SLC7A8: variants seen among roughly 807,000 people sequenced by gnomAD.
The protein encoded by SLC7A8 is solute carrier family 7 member 8.
In SLC7A8, 30 loss-of-function variants were observed where a neutral mutation model predicts 51.2. The observed-to-expected ratio is 0.59, with a 90% CI of 0.44 to 0.80. The LOEUF (loss-of-function observed/expected upper bound fraction) is 0.80, where lower values mean the gene tolerates loss of function less well. SLC7A8 is among the 30% of genes least tolerant of loss of function. The pLI, the probability that SLC7A8 is intolerant of heterozygous loss-of-function variation, is 0.00. For synonymous variants in SLC7A8, 257 were observed against 275.8 expected, an observed-to-expected ratio of 0.93 and a Z score of 0.67; for missense variants, 612 against 674.4, an observed-to-expected ratio of 0.91 and a Z score of 1.03.
chr14:23,138,046 T>C (rs758137199), intron 6 of SLC7A8, 22 bp from the exon 7 acceptor site: 6 of 1,613,262 alleles, frequency 3.7e-6, no homozygotes, highest in African/African-American at 2.7e-5. Context: ...ACCAAGGAGA[T>C]AAGCAAAGGA....
At chr14:23,161,046 T>C (rs1291416560) in intron 3 of SLC7A8, among the ~76,000 whole-genome samples, 1 of 152,112 alleles carries the variant, frequency 6.6e-6, no homozygotes, top group Admixed American at 6.5e-5. Context: ...ACCTAAATAA[T>C]AGAATAACTC....
intron 4 of SLC7A8, 86 bp downstream of exon 4, chr14:23,142,993 G>T (rs2048758804): frequency 1.3e-6 from 2 of 1,516,208 alleles, no homozygotes; most frequent in Non-Finnish European, 1.8e-6. Context: ...CTCAGGGTGT[G>T]GCATACTTCC....
Position 23,143,113 on chromosome 14 carries a change from C to T in SLC7A8, c.600G>A (p.Leu200=), listed in dbSNP as rs1484106589. The change falls in exon 4 of 11, where the codon CTG becomes CTA. Residue 200 remains leucine, a synonymous_variant. Coordinates refer to ENST00000316902, the MANE Select transcript of SLC7A8 (RefSeq NM_012244.4). ...TCTGTACAATCCCCATGATGATAAT[C>T]AGGGCCAAGGCCAGGAGCTTCCCAG... The part of the protein sequence containing the change: ...FTAGKLLALA[L]IIIMGIVQIC... 2 of 1,614,074 alleles carry T rather than the reference C, an allele frequency of 1.2e-6. No individual in the cohort carries two copies. Among genetic ancestry groups the T allele is most frequent in the African/African-American group, 1.3e-5 (1 of 74,916 alleles).
At position 23,163,076 on chromosome 14, in the gene SLC7A8, C is replaced by T. The variant is rs76145163; in HGVS notation, c.508+2209G>A. On this transcript the variant is annotated intron_variant, in intron 3 of 10. Coordinates refer to ENST00000316902, the MANE Select transcript of SLC7A8 (RefSeq NM_012244.4). ...AAACAGCACTCTTCCTGCATTCCCA[C>T]GCCCTCGCTCTTCCCCGCTCCCCAT... 2.7e-3 allele frequency among the ~76,000 whole-genome samples: 412 copies of T among 152,284 alleles called. 4 individuals are homozygous for T. Among genetic ancestry groups the T allele is most frequent in the African/African-American group, 9.4e-3 (390 of 41,564 alleles).
intron 3 of SLC7A8, among the ~76,000 whole-genome samples, chr14:23,163,297 A>G (rs910795): frequency 0.25 from 37,448 of 152,040 alleles, 7,135 homozygotes; most frequent in African/African-American, 0.53. Flanking sequence ...AGTAGGGTGG[A>G]CGAGTGATTT....
chr14:23,131,612 A>G, intron 7 of SLC7A8, 55 bp from the exon 8 acceptor site: 4 of 1,411,036 alleles, frequency 2.8e-6, no homozygotes, highest in Non-Finnish European at 3.8e-6. Flanking sequence ...ACCAAGCCCC[A>G]GCTCCTTCAT....
chr14:23,168,336 T>C (rs898619202), intron 1 of SLC7A8, among the ~76,000 whole-genome samples: 2 of 152,194 alleles, frequency 1.3e-5, no homozygotes, highest in African/African-American at 2.4e-5. Flanking sequence ...TTCCAGGACT[T>C]TGGACACGTT....
intron 3 of SLC7A8, among the ~76,000 whole-genome samples, chr14:23,143,660 CT>C (rs1594825805): frequency 6.6e-6 from 1 of 152,218 alleles, no homozygotes; most frequent in African/African-American, 2.4e-5. Flanking sequence ...TAATCTACAT[CT>C]TACTAAAACT....
At chr14:23,168,734 A>C (rs536675016) in intron 1 of SLC7A8, among the ~76,000 whole-genome samples, 1 of 152,224 alleles carries the variant, frequency 6.6e-6, no homozygotes, top group Admixed American at 6.5e-5. Context: ...TCAGGAATGA[A>C]GAGTGTCAGT....
Position 23,149,779 on chromosome 14 carries a change from C to T in SLC7A8, c.509-6575G>A, listed in dbSNP as rs1293239173. ...TAATGACATTTTGGGCAACAACAGA[C>T]TATTTATACCTTGGTGGTCCCATAA... On this transcript the variant is annotated intron_variant, in intron 3 of 10. Transcript: ENST00000316902. 2.0e-5 allele frequency among the ~76,000 whole-genome samples: 3 copies of T among 152,210 alleles called. 1 individual carries two copies. The highest frequency in any genetic ancestry group is 4.4e-5 in the Non-Finnish European group (3 of 68,034).
At chr14:23,141,596 T>C (rs778015668) in intron 4 of SLC7A8, among the ~76,000 whole-genome samples, 6 of 144,056 alleles carry the variant, frequency 4.2e-5, no homozygotes, top group Non-Finnish European at 9.2e-5. Context: ...GTTACAGGCA[T>C]ATGCCACCAT....
chr14:23,130,470 C>G (rs760588621), intron 8 of SLC7A8, among the ~76,000 whole-genome samples: 5 of 152,196 alleles, frequency 3.3e-5, no homozygotes, highest in East Asian at 3.8e-4. Context: ...TGAAGGTCAA[C>G]AAAAGGTTCT....
chr14:23,129,891 T>C (rs2048616625), intron 8 of SLC7A8, 92 bp from the exon 9 acceptor site: 1 of 1,424,598 alleles, frequency 7.0e-7, no homozygotes. Context: ...TCCAGGCAGA[T>C]GATGCCATCG....
chr14:23,132,999 G>A lies in SLC7A8; in HGVS notation c.1017-1442C>T, dbSNP rs140465521. Among the ~76,000 whole-genome samples, 112 of 151,968 alleles carry A rather than the reference G, an allele frequency of 7.4e-4. No homozygotes were observed. The East Asian group carries it at 0.013, about 17-fold the overall frequency. On this transcript the variant is annotated intron_variant, in intron 7 of 10. Transcript: ENST00000316902. ...TTGCCATGTTGCCCAGGCTGGTCTC[G>A]AACTGGGCTCTAATGATCCTCCCAC...
At position 23,131,473 on chromosome 14, in the gene SLC7A8, G is replaced by T; in HGVS notation, c.1101C>A (p.Ala367=). The T allele has an allele frequency of 1.2e-6, 2 of 1,604,516 alleles. No individual in the cohort carries two copies. The highest frequency in any genetic ancestry group is 1.7e-6 in the Non-Finnish European group (2 of 1,175,594). The change falls in exon 8 of 11, where the codon GCC becomes GCA. Residue 367 remains alanine (A), a synonymous_variant. Coordinates refer to ENST00000316902, the MANE Select transcript of SLC7A8 (RefSeq NM_012244.4). ...IHVKRCTPIP[A]LLFTCISTLL... is the part of the protein sequence containing the mutation. ...GAAGGGCCCTTACTGTGAAGAGCAG[G>T]GCTGGGATTGGGGTGCAGCGCTTCA...
chr14:23,149,426 T>C (rs8011999), intron 3 of SLC7A8, among the ~76,000 whole-genome samples: 2,425 of 152,288 alleles, frequency 0.016, 61 homozygotes, highest in African/African-American at 0.055. Context: ...AATCACTAAC[T>C]TCTTGCAAGG....
chr14:23,135,475 G>C (rs546138536), intron 7 of SLC7A8, among the ~76,000 whole-genome samples: 1 of 151,074 alleles, frequency 6.6e-6, no homozygotes, highest in African/African-American at 2.4e-5. Context: ...GGCTGAGGCG[G>C]GCGGATCACG....
chr14:23,162,542 G>A lies in SLC7A8; in HGVS notation c.508+2743C>T, dbSNP rs142656155. Among the ~76,000 whole-genome samples, 1,047 of 152,248 alleles carry A rather than the reference G, an allele frequency of 6.9e-3. 15 individuals carry two copies. The highest frequency in any genetic ancestry group is 0.023 in the African/African-American group (972 of 41,520). On this transcript the variant is annotated intron_variant, in intron 3 of 10. Coordinates refer to ENST00000316902, the MANE Select transcript of SLC7A8 (RefSeq NM_012244.4). ...TCTTTGACTACAGGAATAGAGGAGG[G>A]GGGTCTTGTCATTTTTGTCATCAGC...
At position 23,165,469 on chromosome 14, in the gene SLC7A8, A is replaced by G; in HGVS notation, c.357-33T>C. The G allele has an allele frequency of 6.4e-7, 1 of 1,567,548 alleles. No homozygotes were observed. Among genetic ancestry groups the G allele is most frequent in the East Asian group, 2.4e-5 (1 of 41,142 alleles). ...AGGAAAGGGACATCCGCCGAAAGGCATGGCAGGGACGCAGAGCCATCAGGG... is the reference window on the plus strand; with the variant it reads ...AGGAAAGGGACATCCGCCGAAAGGCGTGGCAGGGACGCAGAGCCATCAGGG... On this transcript the variant is annotated intron_variant, in intron 2 of 10. Coordinates refer to ENST00000316902, the MANE Select transcript of SLC7A8 (RefSeq NM_012244.4). The surrounding 1 kb of genome is among the most constrained non-coding windows in gnomAD (Gnocchi z 4.2).
Sources: gnomAD v4.1 joint callset for allele counts (sites outside exome capture counted in the v4.1 genomes callset) on GRCh38, gnomAD v4.1.1 for gene constraint, Gnocchi (gnomAD v3.1) non-coding constraint, MANE v1.5 for transcripts, NCBI Gene and HGNC (gene_info 2026-07-23, HGNC 2026-07-21) for gene names.